Variants in DUSP13B observed in about 807,000 individuals in gnomAD.
DUSP13B encodes the protein dual specificity phosphatase 13B.
the DUSP13B span, among the ~76,000 whole-genome samples, chr10:75,104,787 T>G: frequency 6.6e-6 from 1 of 152,070 alleles, no homozygotes; most frequent in South Asian, 2.1e-4. Context: ...CTCCTCAAGA[T>G]GCTTATCCTC....
chr10:75,103,934 G>A, the DUSP13B span: 2,697 of 1,317,812 alleles, frequency 2.0e-3, 45 homozygotes, highest in African/African-American at 0.036. Context: ...GGGTGTAGGC[G>A]CCAGGAGGAG....
At chr10:75,109,080 C>T in the DUSP13B span, 6 of 1,612,420 alleles carry the variant, frequency 3.7e-6, no homozygotes, top group African/African-American at 2.7e-5. Flanking sequence ...CCCGCAGGAG[C>T]TCCTCCAGCT....
the DUSP13B span, chr10:75,101,793 G>T: frequency 1.1e-5 from 7 of 654,750 alleles, no homozygotes; most frequent in Non-Finnish European, 1.5e-5. Context: ...ACAGGCACAA[G>T]TGTCCTGGCC....
the DUSP13B span, chr10:75,099,535 A>G: frequency 8.1e-7 from 1 of 1,231,526 alleles, no homozygotes; most frequent in Non-Finnish European, 1.0e-6. Flanking sequence ...AACACTGTGA[A>G]GCGGCTAGAA....
the DUSP13B span, chr10:75,099,626 G>A: frequency 2.9e-5 from 31 of 1,070,344 alleles, no homozygotes; most frequent in Admixed American, 1.7e-4. Flanking sequence ...TGGGCCCTCC[G>A]GTCCCTCTAA....
At chr10:75,106,098 TTTC>T in the DUSP13B span, among the ~76,000 whole-genome samples, 8,089 of 112,936 alleles carry the variant, frequency 0.072, 331 homozygotes, top group African/African-American at 0.17. Flanking sequence ...TTTTCTTTCT[TTTC>T]TTTTTTTTTT....
the DUSP13B span, chr10:75,108,363 T>C: frequency 2.2e-6 from 3 of 1,366,530 alleles, no homozygotes; most frequent in Admixed American, 5.9e-5. Context: ...TCCACAGCCC[T>C]ATACCCAGAG....
chr10:75,101,612 T>C, the DUSP13B span, among the ~76,000 whole-genome samples: 1 of 152,194 alleles, frequency 6.6e-6, no homozygotes, highest in African/African-American at 2.4e-5. Context: ...ATTTTACAGA[T>C]GAGGAAACCG....
At chr10:75,109,125 T>TC in the DUSP13B span, 1 of 1,605,270 alleles carries the variant, frequency 6.2e-7, no homozygotes, top group South Asian at 1.1e-5. Flanking sequence ...CTTTGTCCTC[T>TC]CCCCCCAGCT....
At chr10:75,102,772 G>A in the DUSP13B span, among the ~76,000 whole-genome samples, 2 of 152,132 alleles carry the variant, frequency 1.3e-5, no homozygotes. Flanking sequence ...GACTAACATG[G>A]AGAAAACCTG....
At chr10:75,105,802 A>G in the DUSP13B span, 1 of 1,551,034 alleles carries the variant, frequency 6.4e-7, no homozygotes, top group Non-Finnish European at 8.7e-7. Flanking sequence ...CTGGTGCAGC[A>G]TGAGGTAGGC....
the DUSP13B span, among the ~76,000 whole-genome samples, chr10:75,104,484 G>T: frequency 6.6e-6 from 1 of 152,160 alleles, no homozygotes; most frequent in Non-Finnish European, 1.5e-5. Flanking sequence ...TGATGGGAAA[G>T]ATGCTGAGGT....
the DUSP13B span, chr10:75,099,355 G>A: frequency 7.3e-5 from 90 of 1,232,256 alleles, no homozygotes; most frequent in Non-Finnish European, 8.7e-5. Flanking sequence ...CGGGCAAGGC[G>A]GAAGTGAAGA....
At chr10:75,105,837 C>T in the DUSP13B span, 2 of 1,550,592 alleles carry the variant, frequency 1.3e-6, no homozygotes, top group Non-Finnish European at 1.7e-6. Context: ...CAGAGCGGCT[C>T]ACGCCCACCA....
At chr10:75,101,582 C>G in the DUSP13B span, among the ~76,000 whole-genome samples, 1 of 152,156 alleles carries the variant, frequency 6.6e-6, no homozygotes, top group East Asian at 1.9e-4. Flanking sequence ...CTTTATGGAG[C>G]AGGTAATATT....
chr10:75,102,961 AC>A, the DUSP13B span, among the ~76,000 whole-genome samples: 2 of 152,008 alleles, frequency 1.3e-5, no homozygotes, highest in Admixed American at 6.6e-5. Context: ...TCCAAAAAAA[AC>A]ATTAGCTGGT....
the DUSP13B span, chr10:75,095,906 G>T: frequency 2.0e-6 from 2 of 1,009,988 alleles, no homozygotes; most frequent in Non-Finnish European, 1.5e-6. Context: ...CAAGGGTAGA[G>T]ACAAGAGCCT....
chr10:75,100,709 C>A, the DUSP13B span, among the ~76,000 whole-genome samples: 1 of 152,240 alleles, frequency 6.6e-6, no homozygotes, highest in Non-Finnish European at 1.5e-5. Context: ...GAGCAGCTGC[C>A]TCTGTAGGCA....
the DUSP13B span, chr10:75,107,861 G>A: frequency 8.8e-7 from 1 of 1,134,812 alleles, no homozygotes; most frequent in South Asian, 1.6e-5. Context: ...ACAAGCATGA[G>A]CCACCACACA....
Sources: allele counts gnomAD v4.1 joint callset (sites outside exome capture counted in the v4.1 genomes callset), GRCh38; gene constraint gnomAD v4.1.1; transcripts MANE v1.5; gene names NCBI Gene and HGNC (gene_info 2026-07-23, HGNC 2026-07-21).